The following ERP27 variants were observed in gnomAD, a reference collection of about 807,000 sequenced individuals.
ERP27 encodes the protein endoplasmic reticulum resident protein 27.
Under a neutral mutation model 27.7 loss-of-function variants are expected in ERP27, and 23 were observed. That is an observed-to-expected ratio of 0.83 (90% CI 0.60 to 1.18). The LOEUF (loss-of-function observed/expected upper bound fraction) is 1.18. Among genes scored for constraint, ERP27 ranks in the 50% most tolerant of loss-of-function variants. The probability of loss-of-function intolerance (pLI) is 0.00; values close to 1 mark genes in which losing one functional copy is unlikely to be tolerated. For missense variants in ERP27, 363 were observed against 327.9 expected (o/e 1.11, Z -0.83); for synonymous variants, 159 against 118.3 (o/e 1.34, Z -2.23).
chr12:14,923,079 A>T (rs1336473942), intron 3 of ERP27, among the ~76,000 whole-genome samples: 1 of 151,880 alleles, frequency 6.6e-6, no homozygotes, highest in Non-Finnish European at 1.5e-5. Flanking sequence ...GTCTCAAAAA[A>T]AAAAAAAAAA....
Position 14,914,513 on chromosome 12 carries a change from A to G in ERP27, c.*222T>C, listed in dbSNP as rs1400422476. 3 of 522,420 alleles carry G rather than the reference A, an allele frequency of 5.7e-6. No individual in the cohort carries two copies. In the East Asian group the frequency reaches 9.3e-5, roughly 16 times the overall value. The allele number at this position is 522,420 out of a possible 1,614,324, so 32.4% of individuals were successfully genotyped here. A position where few individuals can be genotyped will look rare whatever the true frequency, so the allele number is the denominator to read the frequency against. ...AGGGAGTGAGGATATGAAATTTAAA[A>G]GAAGGAAGAAGAGAAAACGAGATTT... On this transcript the variant is annotated 3_prime_UTR_variant, in exon 7 of 7. Coordinates refer to ENST00000266397, the MANE Select transcript of ERP27 (RefSeq NM_152321.4).
chr12:14,936,052 C>T (rs1863768773), intron 2 of ERP27, among the ~76,000 whole-genome samples: 2 of 152,094 alleles, frequency 1.3e-5, no homozygotes, highest in African/African-American at 4.8e-5. Context: ...AGTCCGCTGT[C>T]TTCTTGGTTT....
intron 2 of ERP27, among the ~76,000 whole-genome samples, chr12:14,936,789 T>G (rs1395703765): frequency 6.6e-6 from 1 of 152,178 alleles, no homozygotes; most frequent in Non-Finnish European, 1.5e-5. Context: ...CTGCCATGAT[T>G]GTAAATTTCC....
At chr12:14,929,910 T>C (rs1245572984) in intron 3 of ERP27, among the ~76,000 whole-genome samples, 1 of 152,112 alleles carries the variant, frequency 6.6e-6, no homozygotes, top group Non-Finnish European at 1.5e-5. Flanking sequence ...CTCGGTTTGT[T>C]TTTTTAAAGC....
intron 2 of ERP27, among the ~76,000 whole-genome samples, chr12:14,936,678 G>A (rs561306808): frequency 3.3e-5 from 5 of 152,030 alleles, no homozygotes; most frequent in African/African-American, 7.3e-5. Context: ...TGCTGTTCTC[G>A]TGATAGTGCA....
At chr12:14,929,154 C>A in intron 3 of ERP27, 1 of 1,414,270 alleles carries the variant, frequency 7.1e-7, no homozygotes, top group South Asian at 1.6e-5. Flanking sequence ...CCTCCCTGTA[C>A]TCTTTTCCGG....
intron 5 of ERP27, among the ~76,000 whole-genome samples, chr12:14,916,043 G>A (rs2120537763): frequency 6.6e-6 from 1 of 152,036 alleles, no homozygotes; most frequent in East Asian, 1.9e-4. Flanking sequence ...GGAGGAGGGG[G>A]AGGAGCAGAA....
chr12:14,922,099 TAATGAACACTTC>T (rs1405468409), intron 3 of ERP27, among the ~76,000 whole-genome samples: 1 of 152,220 alleles, frequency 6.6e-6, no homozygotes, highest in Non-Finnish European at 1.5e-5. Flanking sequence ...GACAATGCCA[TAATGAACACTTC>T]TTGACTTTTA....
chr12:14,916,859 T>C (rs1337566900), intron 5 of ERP27, among the ~76,000 whole-genome samples: 4 of 152,198 alleles, frequency 2.6e-5, no homozygotes, highest in South Asian at 2.1e-4. Context: ...TATGAAATTA[T>C]GGGAAGGATT....
intron 3 of ERP27, among the ~76,000 whole-genome samples, chr12:14,921,809 A>G (rs1212688840): frequency 6.6e-6 from 1 of 151,980 alleles, no homozygotes; most frequent in Non-Finnish European, 1.5e-5. Flanking sequence ...TGCCAAAGGT[A>G]TGCTGACTTT....
At chr12:14,920,732 C>T (rs908173620) in intron 4 of ERP27, among the ~76,000 whole-genome samples, 200 bp downstream of exon 4, 4 of 152,132 alleles carry the variant, frequency 2.6e-5, no homozygotes, top group Non-Finnish European at 5.9e-5. Flanking sequence ...TGTGATAGTT[C>T]ATTTAACTTT....
chr12:14,924,719 T>C (rs553096472), intron 3 of ERP27, among the ~76,000 whole-genome samples: 52 of 152,300 alleles, frequency 3.4e-4, no homozygotes, highest in African/African-American at 1.2e-3. Context: ...CAACTCCATC[T>C]TGAATAGGGG....
chr12:14,933,987 G>C, intron 3 of ERP27, among the ~76,000 whole-genome samples: 1 of 152,158 alleles, frequency 6.6e-6, no homozygotes, highest in East Asian at 1.9e-4. Flanking sequence ...TTCTGTTCAT[G>C]TTACTCCCCT....
At chr12:14,936,194 G>GA (rs1325723231) in intron 2 of ERP27, among the ~76,000 whole-genome samples, 3 of 151,820 alleles carry the variant, frequency 2.0e-5, no homozygotes, top group Admixed American at 6.5e-5. Context: ...GGCCAAAAAA[G>GA]AAAAAAAGAA....
chr12:14,937,273 C>T (rs993361903), intron 2 of ERP27, among the ~76,000 whole-genome samples: 1 of 152,140 alleles, frequency 6.6e-6, no homozygotes, highest in Non-Finnish European at 1.5e-5. Context: ...AGAAGGTCTG[C>T]TATGAGAGAG....
chr12:14,914,873 G>T, intron 6 of ERP27, 91 bp from the exon 7 acceptor site: 1 of 1,007,426 alleles, frequency 9.9e-7, no homozygotes, highest in Non-Finnish European at 1.5e-6. Flanking sequence ...TTTATCTCAT[G>T]AACCCTGTTA....
chr12:14,928,094 T>C (rs1863633973), intron 3 of ERP27, among the ~76,000 whole-genome samples: 1 of 152,222 alleles, frequency 6.6e-6, no homozygotes, highest in Non-Finnish European at 1.5e-5. Flanking sequence ...ATAGTTTGCA[T>C]CACTTTTGAG....
intron 2 of ERP27, chr12:14,935,289 A>T (rs1292552147): frequency 6.9e-6 from 2 of 290,088 alleles, no homozygotes; most frequent in African/African-American, 4.6e-5. Context: ...AAAATCATAA[A>T]GGCCTGCCTA....
At chr12:14,916,724 G>A (rs74068172) in intron 5 of ERP27, among the ~76,000 whole-genome samples, 64 of 152,216 alleles carry the variant, frequency 4.2e-4, no homozygotes, top group African/African-American at 1.5e-3. Flanking sequence ...TACTATTTCA[G>A]TAATATCAAG....
Sources: gnomAD v4.1 joint callset for allele counts (sites outside exome capture counted in the v4.1 genomes callset) on GRCh38, gnomAD v4.1.1 for gene constraint, MANE v1.5 for transcripts, NCBI Gene and HGNC (gene_info 2026-07-23, HGNC 2026-07-21) for gene names.